The following SLC10A7 variants were observed in gnomAD, a reference collection of about 807,000 sequenced individuals.
SLC10A7 encodes solute carrier family 10 member 7, also known as sodium/bile acid cotransporter 7.
A neutral mutation model predicts 43.2 loss-of-function variants in SLC10A7; 29 were observed. That is an observed-to-expected ratio of 0.67 (90% confidence interval 0.50 to 0.92). The LOEUF (loss-of-function observed/expected upper bound fraction) is 0.92. Ranked by LOEUF, SLC10A7 falls within the 40% of genes least tolerant of loss-of-function variation. The pLI, the probability that SLC10A7 is intolerant of heterozygous loss-of-function variation, is 0.00. For synonymous variants in SLC10A7, 152 were observed against 144.8 expected, an observed-to-expected ratio of 1.05 and a Z score of -0.35; for missense variants, 295 against 403.2, an observed-to-expected ratio of 0.73 and a Z score of 2.30.
At chr4:146,356,193 C>G (rs1307692822) in intron 5 of SLC10A7, among the ~76,000 whole-genome samples, 5 of 151,834 alleles carry the variant, frequency 3.3e-5, no homozygotes, top group African/African-American at 9.6e-5. Flanking sequence ...CAGGGAGAAA[C>G]TGAGTTGAGA....
chr4:146,445,309 A>G (rs1347435121), intron 4 of SLC10A7, among the ~76,000 whole-genome samples: 3 of 152,130 alleles, frequency 2.0e-5, no homozygotes, highest in Admixed American at 2.0e-4. Flanking sequence ...GGGTTGGCTC[A>G]TTTACTTGGC....
chr4:146,286,587 G>T (rs146151607), intron 9 of SLC10A7, among the ~76,000 whole-genome samples: 1 of 149,766 alleles, frequency 6.7e-6, no homozygotes, highest in Non-Finnish European at 1.5e-5. Flanking sequence ...ACCGAGTCTG[G>T]AGTGGTGAGA....
At chr4:146,445,362 G>A (rs1730956962) in intron 4 of SLC10A7, among the ~76,000 whole-genome samples, 1 of 152,168 alleles carries the variant, frequency 6.6e-6, no homozygotes, top group African/African-American at 2.4e-5. Flanking sequence ...ACAAGCAAAC[G>A]GGTGTGGGAA....
intron 5 of SLC10A7, among the ~76,000 whole-genome samples, chr4:146,331,641 T>A (rs1435502914): frequency 6.6e-6 from 1 of 152,150 alleles, no homozygotes; most frequent in Non-Finnish European, 1.5e-5. Flanking sequence ...TATAAGAAAA[T>A]CATGTTCTTA....
At chr4:146,431,448 T>G (rs1729769590) in intron 5 of SLC10A7, among the ~76,000 whole-genome samples, 1 of 152,128 alleles carries the variant, frequency 6.6e-6, no homozygotes, top group Non-Finnish European at 1.5e-5. Flanking sequence ...TTCATCTTGA[T>G]TATAAAACTA....
intron 9 of SLC10A7, among the ~76,000 whole-genome samples, chr4:146,286,581 AGTCTGGAGTGGTGAGAAGGACCGT>A (rs1578788228): frequency 2.9e-4 from 25 of 85,008 alleles, no homozygotes; most frequent in Admixed American, 6.3e-4. Flanking sequence ...AGAAGGACCG[AGTCTGGAGTGGTGAGAAGGACCGT>A]GTCTGGAGTG....
intron 4 of SLC10A7, among the ~76,000 whole-genome samples, chr4:146,475,538 T>C (rs138397087): frequency 3.3e-5 from 5 of 152,178 alleles, no homozygotes; most frequent in Middle Eastern, 3.2e-3. Flanking sequence ...TTGAGCAACA[T>C]GCTACGCACT....
At chr4:146,361,540 T>C (rs1309369720) in intron 5 of SLC10A7, among the ~76,000 whole-genome samples, 1 of 152,160 alleles carries the variant, frequency 6.6e-6, no homozygotes, top group East Asian at 1.9e-4. Flanking sequence ...CCCCTAGTGC[T>C]GAAATGGCTG....
intron 5 of SLC10A7, among the ~76,000 whole-genome samples, chr4:146,387,363 A>G (rs1738085830): frequency 6.6e-6 from 1 of 152,236 alleles, no homozygotes; most frequent in Non-Finnish European, 1.5e-5. Flanking sequence ...ATTAAAAACA[A>G]AAACCATATG....
At chr4:146,293,047 A>G (rs1730549033) in intron 8 of SLC10A7, 67 bp from the exon 9 acceptor site, 2 of 995,394 alleles carry the variant, frequency 2.0e-6, no homozygotes, top group Non-Finnish European at 3.0e-6. Flanking sequence ...ACTTATTGGT[A>G]TACTTGTTTT....
intron 5 of SLC10A7, among the ~76,000 whole-genome samples, chr4:146,382,245 T>C (rs528570119): frequency 6.6e-6 from 1 of 152,320 alleles, no homozygotes; most frequent in South Asian, 2.1e-4. Flanking sequence ...GTTGACATTG[T>C]TTAATAATTG....
At chr4:146,413,253 G>A (rs940444822) in intron 5 of SLC10A7, among the ~76,000 whole-genome samples, 3 of 152,144 alleles carry the variant, frequency 2.0e-5, no homozygotes, top group African/African-American at 7.2e-5. Context: ...ATTATTTTAA[G>A]TGTGTCATTC....
rs59361076 is a variant in SLC10A7 at position 146,426,734 on chromosome 4, G to A, written c.435+16049C>T. Among the ~76,000 whole-genome samples, 971 of 152,194 alleles carry A rather than the reference G, an allele frequency of 6.4e-3. 13 individuals are homozygous for A. Among genetic ancestry groups the A allele is most frequent in the African/African-American group, 0.02 (845 of 41,542 alleles). ...ATTAAAAAATACAAAAATTAGCTGG[G>A]CATGGTGGTATGCGCCTGTAACCCC... On this transcript the variant is annotated intron_variant, in intron 5 of 11. Transcript: ENST00000335472.
chr4:146,261,554 C>T (rs1728224524), intron 10 of SLC10A7, among the ~76,000 whole-genome samples: 1 of 152,098 alleles, frequency 6.6e-6, no homozygotes, highest in African/African-American at 2.4e-5. Flanking sequence ...CCTGACGGAC[C>T]CTGGTTGCCC....
intron 4 of SLC10A7, among the ~76,000 whole-genome samples, chr4:146,457,641 T>A (rs1732178783): frequency 6.6e-6 from 1 of 151,946 alleles, no homozygotes; most frequent in Non-Finnish European, 1.5e-5. Flanking sequence ...ACATTTCTAA[T>A]GTCAGGAATG....
intron 5 of SLC10A7, among the ~76,000 whole-genome samples, chr4:146,339,012 T>G (rs1734077322): frequency 6.6e-6 from 1 of 151,840 alleles, no homozygotes; most frequent in African/African-American, 2.4e-5. Flanking sequence ...GGGGATAGTA[T>G]GAAGTTCAAT....
chr4:146,513,644 C>A (rs904441185), intron 2 of SLC10A7, among the ~76,000 whole-genome samples: 1 of 152,182 alleles, frequency 6.6e-6, no homozygotes, highest in African/African-American at 2.4e-5. Flanking sequence ...AACAACCAAC[C>A]ATGTTGGCTC....
At chr4:146,262,123 T>A (rs1728267525) in intron 10 of SLC10A7, among the ~76,000 whole-genome samples, 1 of 152,210 alleles carries the variant, frequency 6.6e-6, no homozygotes, top group African/African-American at 2.4e-5. Flanking sequence ...CTAAATCTAT[T>A]TATCTCAACC....
At position 146,406,018 on chromosome 4, in the gene SLC10A7, G is replaced by T. The variant is rs1364131522; in HGVS notation, c.435+36765C>A. 2.0e-5 allele frequency among the ~76,000 whole-genome samples: 3 copies of T among 152,166 alleles called. No individual in the cohort carries two copies. In the East Asian group the frequency reaches 5.8e-4, roughly 29 times the overall value. ...CTGTAAAGCATTTGCATAGCAAAGA[G>T]AGATTACTGTTTAAATAGATTATAT... On this transcript the variant is annotated intron_variant, in intron 5 of 11. Coordinates refer to ENST00000335472, the MANE Select transcript of SLC10A7 (RefSeq NM_001029998.6).
Sources: gnomAD v4.1 joint callset for allele counts (sites outside exome capture counted in the v4.1 genomes callset) on GRCh38, gnomAD v4.1.1 for gene constraint, MANE v1.5 for transcripts, NCBI Gene and HGNC (gene_info 2026-07-23, HGNC 2026-07-21) for gene names.